Variants in MRRF observed in about 807,000 individuals in gnomAD.
The protein encoded by MRRF is mitochondrial ribosome recycling factor, also known as ribosome-recycling factor, mitochondrial.
MRRF carries 18 observed loss-of-function variants against 25.1 expected under a neutral mutation model. That is an observed-to-expected ratio of 0.72 (90% CI 0.50 to 1.06). The LOEUF is 1.06. Ranked by LOEUF, MRRF falls within the 50% of genes least tolerant of loss-of-function variation. MRRF has a pLI of 0.00. For missense variants in MRRF, 323 were observed against 319.3 expected (o/e 1.01, Z -0.09); for synonymous variants, 113 against 112.1 (o/e 1.01, Z -0.05).
At chr9:122,277,427 C>T (rs758025694) in intron 2 of MRRF, among the ~76,000 whole-genome samples, 4 of 152,026 alleles carry the variant, frequency 2.6e-5, no homozygotes, top group Non-Finnish European at 4.4e-5. Flanking sequence ...TTTTAAAAAC[C>T]GTTATGTTAT....
chr9:122,292,504 AAGAAG>A (rs963937351), intron 5 of MRRF, among the ~76,000 whole-genome samples: 8 of 152,232 alleles, frequency 5.3e-5, no homozygotes, highest in African/African-American at 1.9e-4. Context: ...AATTTAAAAA[AAGAAG>A]AGAAAATATA....
chr9:122,305,360 C>T (rs899098078), intron 5 of MRRF, among the ~76,000 whole-genome samples: 14 of 147,712 alleles, frequency 9.5e-5, no homozygotes, highest in African/African-American at 5.0e-5. Flanking sequence ...TGCAGTGAGC[C>T]GAGATTATGC....
intron 6 of MRRF, among the ~76,000 whole-genome samples, chr9:122,314,556 C>T (rs1835398370): frequency 6.6e-6 from 1 of 152,176 alleles, no homozygotes; most frequent in Non-Finnish European, 1.5e-5. Flanking sequence ...ATCTGGGGCC[C>T]CATTTCCAGA....
At chr9:122,310,603 A>G (rs1371405223) in intron 5 of MRRF, among the ~76,000 whole-genome samples, 1 of 152,238 alleles carries the variant, frequency 6.6e-6, no homozygotes, top group Non-Finnish European at 1.5e-5. Context: ...TCCTCTTTCT[A>G]CGTAGTGGCT....
rs546491086 is a variant in MRRF at position 122,330,705 on chromosome 9, G to A, written c.*8088G>A. On this transcript the variant is annotated 3_prime_UTR_variant, in exon 7 of 7. Transcript: ENST00000344641. The surrounding 1 kb of genome is among the most constrained non-coding windows in gnomAD (Gnocchi z 4.2). Reference sequence around the variant, plus strand: ...AGCACTTTGGGTGGCTGAGGTGGGCGAGTCACTTGAGGTCAGGAGTTCGGG... The same window carrying A: ...AGCACTTTGGGTGGCTGAGGTGGGCAAGTCACTTGAGGTCAGGAGTTCGGG... 9.2e-5 allele frequency: 14 copies of A among 152,346 alleles called. No homozygotes were observed. The highest frequency in any genetic ancestry group is 3.9e-4 in the Admixed American group (6 of 15,288). 9.4% of individuals were successfully genotyped at this position (152,346 alleles called of 1,614,324 possible). A position where few individuals can be genotyped will look rare whatever the true frequency, so the allele number is the denominator to read the frequency against.
rs945107459 is a variant in MRRF, at chr9:122,325,946, A to T, written c.*3329A>T. On this transcript the variant is annotated 3_prime_UTR_variant, in exon 7 of 7. Transcript: ENST00000344641. Reference sequence around the variant, plus strand: ...GCAATTCTCCCACCTCAGCCTCCTGAGTAGCTGGGACTGCAGCTATGCACC... The same window carrying T: ...GCAATTCTCCCACCTCAGCCTCCTGTGTAGCTGGGACTGCAGCTATGCACC... 6.7e-6 allele frequency: 1 copy of T among 150,106 alleles called. No individual in the cohort carries two copies. The highest frequency in any genetic ancestry group is 1.5e-5 in the Non-Finnish European group (1 of 67,828). The allele number at this position is 150,106 out of a possible 1,614,324, so 9.3% of individuals were successfully genotyped here. A position where few individuals can be genotyped will look rare whatever the true frequency, so the allele number is the denominator to read the frequency against.
At chr9:122,273,154 G>A (rs899424847) in intron 2 of MRRF, among the ~76,000 whole-genome samples, 1 of 152,092 alleles carries the variant, frequency 6.6e-6, no homozygotes, top group African/African-American at 2.4e-5. Flanking sequence ...GTTTTCTCCA[G>A]ACAGCTCTTG....
chr9:122,308,148 C>T (rs1469414420), intron 5 of MRRF, among the ~76,000 whole-genome samples: 1 of 152,134 alleles, frequency 6.6e-6, no homozygotes, highest in Non-Finnish European at 1.5e-5. Flanking sequence ...CAGCCAAAAC[C>T]CCTGCCTTGT....
rs980248626 is a variant in MRRF at position 122,270,983 on chromosome 9, T to C, written c.92T>C (p.Leu31Pro). ...ATCAGACCCGTTTCAGAAGTTACACTGAAGACAGTGCATGAAAGACAACAT... is the reference window on the plus strand; with the variant it reads ...ATCAGACCCGTTTCAGAAGTTACACCGAAGACAGTGCATGAAAGACAACAT... ...ASIRPVSEVT[L>P]KTVHERQHGH... The change falls in exon 2 of 7, where the codon CTG (leucine) becomes CCG (proline). Residue 31 changes from leucine (L) to proline (P), a missense_variant. By Grantham distance (98) the Leu-to-Pro change is moderately conservative. Transcript: ENST00000344641. 1.2e-6 allele frequency: 2 copies of C among 1,614,206 alleles called. No individual in the cohort carries two copies. The highest frequency in any genetic ancestry group is 1.7e-6 in the Non-Finnish European group (2 of 1,180,030).
At chr9:122,308,957 T>C (rs1282740005) in intron 5 of MRRF, among the ~76,000 whole-genome samples, 1 of 152,150 alleles carries the variant, frequency 6.6e-6, no homozygotes, top group Non-Finnish European at 1.5e-5. Context: ...TCAGTGACAT[T>C]AAGTATATTC....
Position 122,313,397 on chromosome 9 carries a change from C to G in MRRF, c.711+11C>G, listed in dbSNP as rs761854494. On this transcript the variant is annotated intron_variant, in intron 6 of 6. Transcript: ENST00000344641. ...CTAATAGAGAAACAGGTACTATTGC[C>G]AGCAATGTAGTAGTGTCTGTGTATT... The G allele has an allele frequency of 1.2e-6, 2 of 1,613,336 alleles. No individual in the cohort carries two copies. The highest frequency in any genetic ancestry group is 2.2e-5 in the South Asian group (2 of 91,024).
At chr9:122,296,724 T>C (rs1439448092) in intron 5 of MRRF, among the ~76,000 whole-genome samples, 1 of 152,212 alleles carries the variant, frequency 6.6e-6, no homozygotes, top group Middle Eastern at 3.2e-3. Context: ...CTCCACCTTA[T>C]TCACATCATC....
chr9:122,285,809 T>C, intron 4 of MRRF: 2 of 1,281,864 alleles, frequency 1.6e-6, no homozygotes. Flanking sequence ...AATACTTTAA[T>C]GGGCCAAATG....
intron 3 of MRRF, among the ~76,000 whole-genome samples, chr9:122,283,092 A>ATTT (rs546491734): frequency 2.2e-5 from 3 of 139,248 alleles, no homozygotes; most frequent in Admixed American, 7.2e-5. Flanking sequence ...TATAAGTACA[A>ATTT]TTTTTTTTTT....
At chr9:122,268,962 G>A (rs1447954038) in intron 1 of MRRF, among the ~76,000 whole-genome samples, 3 of 151,790 alleles carry the variant, frequency 2.0e-5, no homozygotes, top group Non-Finnish European at 4.4e-5. Flanking sequence ...TCAGGAGATC[G>A]AGACCAACCT....
chr9:122,272,860 A>G (rs1489898116), intron 2 of MRRF, among the ~76,000 whole-genome samples: 1 of 152,146 alleles, frequency 6.6e-6, no homozygotes, highest in East Asian at 1.9e-4. Context: ...TTCCAGATGG[A>G]TAAGAAGTTG....
intron 6 of MRRF, among the ~76,000 whole-genome samples, chr9:122,315,023 A>G (rs961717908): frequency 2.6e-5 from 4 of 152,062 alleles, no homozygotes; most frequent in Non-Finnish European, 5.9e-5. Context: ...CTTCTCCTCC[A>G]CCAGCAGTTA....
intron 5 of MRRF, among the ~76,000 whole-genome samples, chr9:122,302,185 C>T (rs1395773331): frequency 2.0e-5 from 3 of 152,118 alleles, no homozygotes; most frequent in East Asian, 3.8e-4. Flanking sequence ...TTTTTGTCAC[C>T]TTCATTGAAA....
chr9:122,289,977 CT>C (rs1292432982), intron 4 of MRRF, among the ~76,000 whole-genome samples: 2 of 151,360 alleles, frequency 1.3e-5, no homozygotes, highest in Non-Finnish European at 2.9e-5. Context: ...TCACCTGAGC[CT>C]GGGAGGTCAA....
Sources: allele counts gnomAD v4.1 joint callset (sites outside exome capture counted in the v4.1 genomes callset), GRCh38; gene constraint gnomAD v4.1.1; non-coding constraint Gnocchi (gnomAD v3.1); transcripts MANE v1.5; gene names NCBI Gene and HGNC (gene_info 2026-07-23, HGNC 2026-07-21).